MYO1E: variants seen among roughly 807,000 people sequenced by gnomAD.
The protein encoded by MYO1E is unconventional myosin-Ie.
A neutral mutation model predicts 151.1 loss-of-function variants in MYO1E; 68 were observed. The ratio of observed to expected loss-of-function variants is 0.45; its 90% CI spans 0.37 to 0.55. The LOEUF (loss-of-function observed/expected upper bound fraction) is 0.55, where lower values mean the gene tolerates loss of function less well. Ranked by LOEUF, MYO1E falls within the 20% of genes least tolerant of loss-of-function variation. The pLI is 0.00. For synonymous variants in MYO1E, 601 were observed against 501.7 expected (o/e 1.20, Z -2.64); for missense variants, 1,363 against 1,389.3 (o/e 0.98, Z 0.30).
At chr15:59,200,543 T>A (rs1329199051) in intron 16 of MYO1E, among the ~76,000 whole-genome samples, 1 of 152,016 alleles carries the variant, frequency 6.6e-6, no homozygotes, top group Admixed American at 6.6e-5. Context: ...AATCCTAGCA[T>A]TTTGGGAGTC....
chr15:59,175,029 G>A (rs551434596), intron 19 of MYO1E, among the ~76,000 whole-genome samples: 1 of 152,246 alleles, frequency 6.6e-6, no homozygotes, highest in South Asian at 2.1e-4. Flanking sequence ...TGGGGCAGAA[G>A]TCACCCTAGA....
Position 59,161,177 on chromosome 15 carries a change from G to A in MYO1E, c.2681C>T (p.Ser894Phe), listed in dbSNP as rs753482263. The A allele has an allele frequency of 1.2e-6, 2 of 1,614,050 alleles. No individual in the cohort carries two copies. Among genetic ancestry groups the A allele is most frequent in the Non-Finnish European group, 1.7e-6 (2 of 1,179,986 alleles). ...CCCTTGGTGGAACTGCACTTGCCGG[G>A]AGCCCCCTGCACTCCAGGGGCCCCA... is the stretch of plus-strand genomic sequence containing the variant. ...ENWGPWSAGG[S>F]RQVQFHQGFG... The change falls in exon 24 of 28, where the codon TCC becomes TTC. Residue 894 changes from serine to phenylalanine, a missense_variant. Ser to Phe is a radical substitution (Grantham distance 155). Coordinates refer to ENST00000288235, the MANE Select transcript of MYO1E (RefSeq NM_004998.4).
At chr15:59,148,443 G>A (rs1238907030) in intron 26 of MYO1E, among the ~76,000 whole-genome samples, 4 of 152,188 alleles carry the variant, frequency 2.6e-5, no homozygotes, top group African/African-American at 9.6e-5. Flanking sequence ...TTGTTCTGCA[G>A]ATGGGAAATT....
chr15:59,265,206 C>T (rs1302868636), intron 2 of MYO1E, among the ~76,000 whole-genome samples: 2 of 152,130 alleles, frequency 1.3e-5, no homozygotes, highest in Admixed American at 6.5e-5. Context: ...GAGGAGGGTA[C>T]TTGTTCCCTT....
intron 10 of MYO1E, among the ~76,000 whole-genome samples, chr15:59,217,567 C>T (rs1422637826): frequency 6.0e-5 from 7 of 115,764 alleles, no homozygotes; most frequent in African/African-American, 2.2e-4. Flanking sequence ...ACTCTAACCC[C>T]CAGGCTGGAG....
Position 59,309,060 on chromosome 15 carries a change from G to A in MYO1E, c.4-36611C>T, listed in dbSNP as rs1415153362. 2.0e-5 allele frequency among the ~76,000 whole-genome samples: 3 copies of A among 151,950 alleles called. No individual in the cohort carries two copies. The East Asian group carries it at 5.8e-4, about 29-fold the overall frequency. The stretch of plus-strand genomic sequence containing the variant: ...CCTGGGAGTTCGGAAGCTACAGTAA[G>A]CCATGATCACACCACTGCACTCCAG... On this transcript the variant is annotated intron_variant, in intron 1 of 27. Coordinates refer to ENST00000288235, the MANE Select transcript of MYO1E (RefSeq NM_004998.4).
In MYO1E at chr15:59,259,119, C is replaced by T. The variant is rs193269950; in HGVS notation, c.237+2301G>A. On this transcript the variant is annotated intron_variant, in intron 3 of 27. Coordinates refer to ENST00000288235, the MANE Select transcript of MYO1E (RefSeq NM_004998.4). The stretch of plus-strand genomic sequence containing the variant: ...GTCCAATTTCCCTCTTTTGGTCATC[C>T]TCTCAATTTTGAGACACTGACCAAA... Among the ~76,000 whole-genome samples, 696 of 152,248 alleles carry T rather than the reference C, an allele frequency of 4.6e-3. 7 individuals are homozygous for T. The highest frequency in any genetic ancestry group is 0.016 in the African/African-American group (660 of 41,570).
chr15:59,361,962 G>A (rs1401297533), intron 1 of MYO1E, among the ~76,000 whole-genome samples: 5 of 152,026 alleles, frequency 3.3e-5, no homozygotes, highest in Admixed American at 1.3e-4. Flanking sequence ...TCAGCCTCCC[G>A]AGTAGCTGGG....
chr15:59,244,971 A>C (rs954987597), intron 4 of MYO1E, among the ~76,000 whole-genome samples: 1 of 152,206 alleles, frequency 6.6e-6, no homozygotes, highest in South Asian at 2.1e-4. Flanking sequence ...AGCTTGGGGA[A>C]CAGGGTCAAT....
intron 9 of MYO1E, among the ~76,000 whole-genome samples, chr15:59,219,471 T>A (rs1379893960): frequency 6.6e-6 from 1 of 152,196 alleles, no homozygotes; most frequent in African/African-American, 2.4e-5. Flanking sequence ...GGATAATCTG[T>A]TTGAATTTCA....
At chr15:59,152,403 TGA>T (rs1328183777) in intron 26 of MYO1E, among the ~76,000 whole-genome samples, 1 of 152,010 alleles carries the variant, frequency 6.6e-6, no homozygotes, top group African/African-American at 2.4e-5. Flanking sequence ...GAAGTGGGCT[TGA>T]GAGAGGGGAA....
Position 59,137,357 on chromosome 15 carries a change from CA to C in MYO1E, c.*22del. 6.2e-7 allele frequency: 1 copy of C among 1,610,054 alleles called. No homozygotes were observed. On this transcript the variant is annotated 3_prime_UTR_variant, in exon 28 of 28. Transcript: ENST00000288235. The stretch of plus-strand genomic sequence containing the variant: ...GTCTGTGCCTGGAGCTCCTCTGCCC[CA>C]TGTGTCAGAGTCACGGGCACCTCAG...
At chr15:59,372,376 G>T in intron 1 of MYO1E, 122 bp downstream of exon 1, 2 of 1,224,912 alleles carry the variant, frequency 1.6e-6, no homozygotes, top group South Asian at 1.3e-5. Flanking sequence ...CGACGTGCCG[G>T]CTCCCGCGTC....
intron 1 of MYO1E, among the ~76,000 whole-genome samples, chr15:59,275,655 G>C (rs545297462): frequency 1.8e-4 from 27 of 152,324 alleles, no homozygotes; most frequent in South Asian, 4.1e-4. Flanking sequence ...ATGAGGCAAA[G>C]GGAGAGAGTA....
intron 4 of MYO1E, among the ~76,000 whole-genome samples, chr15:59,243,637 G>T (rs1221679745): frequency 6.6e-6 from 1 of 151,916 alleles, no homozygotes; most frequent in Admixed American, 6.6e-5. Context: ...AATCAACAAG[G>T]TTTCACAAAG....
chr15:59,343,728 A>T (rs981379202), intron 1 of MYO1E, among the ~76,000 whole-genome samples: 4 of 151,290 alleles, frequency 2.6e-5, no homozygotes, highest in African/African-American at 9.7e-5. Context: ...CTGACTGTGT[A>T]TTTTCAAATA....
chr15:59,350,514 C>A lies in MYO1E; in HGVS notation c.3+21984G>T, dbSNP rs1596438019. Reference sequence around the variant, plus strand: ...ATGTAGTGTCTGCCCTCAGAGACTACATGCATTACTGAGAGGAAAGTGGGG... The same window carrying A: ...ATGTAGTGTCTGCCCTCAGAGACTAAATGCATTACTGAGAGGAAAGTGGGG... On this transcript the variant is annotated intron_variant, in intron 1 of 27. Transcript: ENST00000288235. The surrounding 1 kb of genome is among the most constrained non-coding windows in gnomAD (Gnocchi z 5.0). 3.9e-5 allele frequency among the ~76,000 whole-genome samples: 6 copies of A among 152,170 alleles called. No homozygotes were observed. In the East Asian group the frequency reaches 1.2e-3, roughly 29 times the overall value.
At chr15:59,347,388 G>A (rs965376481) in intron 1 of MYO1E, among the ~76,000 whole-genome samples, 2 of 152,130 alleles carry the variant, frequency 1.3e-5, no homozygotes, top group South Asian at 4.1e-4. Context: ...CCGGTCCCTG[G>A]TGCCAAAAAG....
Position 59,165,227 on chromosome 15 carries a change from C to T in MYO1E, c.2481-1924G>A, listed in dbSNP as rs151088281. Among the ~76,000 whole-genome samples, 552 of 152,176 alleles carry T rather than the reference C, an allele frequency of 3.6e-3. 4 individuals carry two copies. The highest frequency in any genetic ancestry group is 0.013 in the African/African-American group (519 of 41,504). On this transcript the variant is annotated intron_variant, in intron 22 of 27. Transcript: ENST00000288235. ...ACCACAGCACAATTGGATAGGAAGG[C>T]GTAGAATGGCAGTACGCGCAAACCA...
Sources: gnomAD v4.1 joint callset for allele counts (sites outside exome capture counted in the v4.1 genomes callset) on GRCh38, gnomAD v4.1.1 for gene constraint, Gnocchi (gnomAD v3.1) non-coding constraint, MANE v1.5 for transcripts, NCBI Gene and HGNC (gene_info 2026-07-23, HGNC 2026-07-21) for gene names.